HSP90AA1: variants seen among roughly 807,000 people sequenced by gnomAD.
HSP90AA1 encodes heat shock protein HSP 90-alpha.
In HSP90AA1, 18 loss-of-function variants were observed where a neutral mutation model predicts 73.3. The observed-to-expected ratio is 0.25, with a 90% CI of 0.17 to 0.36. The LOEUF is 0.36. HSP90AA1 is among the 10% of genes least tolerant of loss of function. The pLI, the probability that HSP90AA1 is intolerant of heterozygous loss-of-function variation, is 1.00. For missense variants in HSP90AA1, 704 were observed against 874.2 expected (o/e 0.81, Z 2.45); for synonymous variants, 477 against 296.9 (o/e 1.61, Z -6.24).
chr14:102,081,814 A>C lies in HSP90AA1; in HGVS notation c.2097T>G (p.Asp699Glu). Residue 699 changes from aspartate (D) to glutamate (E), a missense_variant, in exon 11 of 11, where the codon GAT (aspartate) becomes GAG (glutamate). Transcript: ENST00000216281. ...YRMIKLGLGI[D>E]EDDPTADDTS... ...TATCATCAGCAGTAGGGTCATCTTC[A>C]TCAATACCTGTTTCCAAAATAAAAT... 6.9e-7 allele frequency: 1 copy of C among 1,454,132 alleles called. No homozygotes were observed. The highest frequency in any genetic ancestry group is 9.7e-7 in the Non-Finnish European group (1 of 1,034,270). The allele number at this position is 1,454,132 out of a possible 1,614,324, so 90.1% of individuals were successfully genotyped here.
chr14:102,115,553 C>G (rs2049695891), intron 1 of HSP90AA1, among the ~76,000 whole-genome samples: 1 of 152,046 alleles, frequency 6.6e-6, no homozygotes. Flanking sequence ...TATTTGTTTC[C>G]TAATACCTTG....
rs1415414252 is a variant in HSP90AA1, at chr14:102,084,544, C to T, written c.1002G>A (p.Gln334=). The part of the protein sequence containing the change: ...LAVKHFSVEG[Q]LEFRALLFVP... Reference sequence around the variant, plus strand: ...CAAATAGAAGGGCTCTGAATTCCAACTGTCCTTCAACTGAAAAATGCTGTA... The same window carrying T: ...CAAATAGAAGGGCTCTGAATTCCAATTGTCCTTCAACTGAAAAATGCTGTA... Residue 334 remains glutamine (Q), a synonymous_variant, in exon 6 of 11, where the codon CAG becomes CAA. Transcript: ENST00000216281. The T allele has an allele frequency of 1.9e-6, 3 of 1,614,182 alleles. No homozygotes were observed. In the African/African-American group the frequency reaches 4.0e-5, roughly 22 times the overall value.
intron 1 of HSP90AA1, among the ~76,000 whole-genome samples, chr14:102,132,200 C>T (rs1002024586): frequency 2.6e-5 from 4 of 152,124 alleles, no homozygotes; most frequent in Non-Finnish European, 5.9e-5. Context: ...AACCCCATCT[C>T]TACTAAAAAT....
At chr14:102,119,796 T>C (rs1284258090) in intron 1 of HSP90AA1, among the ~76,000 whole-genome samples, 1 of 152,106 alleles carries the variant, frequency 6.6e-6, no homozygotes, top group Non-Finnish European at 1.5e-5. Flanking sequence ...CGTTTTCCTC[T>C]TCTTTATGCA....
At chr14:102,104,358 CG>C (rs2152620114) in intron 1 of HSP90AA1, among the ~76,000 whole-genome samples, 1 of 152,028 alleles carries the variant, frequency 6.6e-6, no homozygotes, top group African/African-American at 2.4e-5. Flanking sequence ...TACAGTCATG[CG>C]CCACCACGCC....
chr14:102,087,416 C>T (rs533453323), upstream of HSP90AA1, among the ~76,000 whole-genome samples: 1 of 151,692 alleles, frequency 6.6e-6, no homozygotes, highest in East Asian at 1.9e-4. Context: ...CACGCCCGGG[C>T]GTGGGGGCCT....
intron 3 of HSP90AA1, 26 bp downstream of exon 3, chr14:102,085,732 T>C: frequency 6.2e-7 from 1 of 1,613,920 alleles, no homozygotes; most frequent in Non-Finnish European, 8.5e-7. Context: ...ACCGCTCACT[T>C]AACCAGTGAA....
At chr14:102,082,626 C>T (rs977656313) in intron 9 of HSP90AA1, 182 bp from the exon 10 acceptor site, 1 of 625,952 alleles carries the variant, frequency 1.6e-6, no homozygotes, top group African/African-American at 1.8e-5. Context: ...TTTACATGCA[C>T]AATTTTTTTT....
At chr14:102,123,856 A>G (rs796999143) in intron 1 of HSP90AA1, among the ~76,000 whole-genome samples, 12 of 152,180 alleles carry the variant, frequency 7.9e-5, no homozygotes, top group African/African-American at 2.9e-4. Context: ...GCTGGAGTGC[A>G]GGGGTGTAAA....
At chr14:102,135,528 G>A (rs2049979238) in intron 1 of HSP90AA1, among the ~76,000 whole-genome samples, 1 of 152,282 alleles carries the variant, frequency 6.6e-6, no homozygotes, top group African/African-American at 2.4e-5. Context: ...TCAGCCCTTG[G>A]GTGGTCGATG....
chr14:102,136,887 TAAAA>T (rs982881540), intron 1 of HSP90AA1, among the ~76,000 whole-genome samples: 3 of 126,504 alleles, frequency 2.4e-5, no homozygotes, highest in Non-Finnish European at 5.0e-5. Flanking sequence ...AGACTTCTCT[TAAAA>T]AAAAAAAAGG....
At chr14:102,125,930 C>T (rs896091521) in intron 1 of HSP90AA1, among the ~76,000 whole-genome samples, 3 of 152,120 alleles carry the variant, frequency 2.0e-5, no homozygotes, top group Admixed American at 1.3e-4. Context: ...TATAAGCTTA[C>T]GGTCTACTGA....
upstream of HSP90AA1, among the ~76,000 whole-genome samples, chr14:102,090,442 A>G (rs1595663594): frequency 6.9e-6 from 1 of 144,432 alleles, no homozygotes; most frequent in Non-Finnish European, 1.5e-5. Context: ...TTCCTTCCTC[A>G]ACAACATATT....
intron 1 of HSP90AA1, among the ~76,000 whole-genome samples, chr14:102,107,221 C>A (rs188921087): frequency 6.6e-6 from 1 of 152,036 alleles, no homozygotes; most frequent in Non-Finnish European, 1.5e-5. Context: ...GTGCCCCAAC[C>A]CTGGCCTGCC....
At chr14:102,092,125 G>A (rs554963594) in intron 2 of HSP90AA1, among the ~76,000 whole-genome samples, 2 of 150,830 alleles carry the variant, frequency 1.3e-5, no homozygotes, top group African/African-American at 2.4e-5. Flanking sequence ...GGAGTGCAGT[G>A]TCGCGTGCTC....
intron 2 of HSP90AA1, among the ~76,000 whole-genome samples, chr14:102,093,000 C>G (rs2152616961): frequency 6.6e-6 from 1 of 152,162 alleles, no homozygotes; most frequent in East Asian, 1.9e-4. Flanking sequence ...CTGCCTCGGC[C>G]TCCCAAAATG....
In HSP90AA1 at chr14:102,084,350, A is replaced by G. The variant is rs746560998; in HGVS notation, c.1147+49T>C. The stretch of plus-strand genomic sequence containing the variant: ...TGTGAGCCACCATGCCCACCCAGAA[A>G]GTACTTCTTTAATCAGTGACAGTGA... On this transcript the variant is annotated intron_variant, in intron 6 of 10. Transcript: ENST00000216281. The G allele has an allele frequency of 1.2e-5, 19 of 1,564,374 alleles. No homozygotes were observed. In the South Asian group the frequency reaches 1.9e-4, roughly 16 times the overall value.
chr14:102,122,813 G>C (rs1055218555), intron 1 of HSP90AA1, among the ~76,000 whole-genome samples: 1 of 150,994 alleles, frequency 6.6e-6, no homozygotes, highest in Non-Finnish European at 1.5e-5. Context: ...GATTACAGGT[G>C]CCTGCCACCA....
chr14:102,112,204 C>T (rs1369108567), intron 1 of HSP90AA1, among the ~76,000 whole-genome samples: 4 of 152,208 alleles, frequency 2.6e-5, no homozygotes, highest in Non-Finnish European at 4.4e-5. Flanking sequence ...GACGGAGTCT[C>T]ACTCTGTTCC....
Sources: allele counts gnomAD v4.1 joint callset (sites outside exome capture counted in the v4.1 genomes callset), GRCh38; gene constraint gnomAD v4.1.1; transcripts MANE v1.5; gene names NCBI Gene and HGNC (gene_info 2026-07-23, HGNC 2026-07-21).